Variants in PTPRM observed in about 807,000 individuals in gnomAD.
The protein encoded by PTPRM is receptor-type tyrosine-protein phosphatase mu.
A neutral mutation model predicts 186.7 loss-of-function variants in PTPRM; 47 were observed. The observed-to-expected ratio is 0.25, with a 90% CI of 0.20 to 0.32. The LOEUF is 0.32. Ranked by LOEUF, PTPRM falls within the 10% of genes least tolerant of loss-of-function variation. The pLI is 1.00. For missense variants in PTPRM, 1,494 were observed against 1,865.0 expected (o/e 0.80, Z 3.66); for synonymous variants, 668 against 674.9 (o/e 0.99, Z 0.16).
At chr18:8,095,696 A>G (rs908556576) in intron 11 of PTPRM, among the ~76,000 whole-genome samples, 2 of 152,136 alleles carry the variant, frequency 1.3e-5, no homozygotes, top group African/African-American at 4.8e-5. Flanking sequence ...CCCTGGCGGC[A>G]TGGAGGAAGG....
intron 14 of PTPRM, among the ~76,000 whole-genome samples, chr18:8,194,676 C>T (rs1318384565): frequency 1.3e-5 from 2 of 152,248 alleles, no homozygotes; most frequent in Non-Finnish European, 2.9e-5. Context: ...GCACATAGCA[C>T]AGCCGTGGCT....
At chr18:7,661,046 A>G (rs2038968371) in intron 1 of PTPRM, among the ~76,000 whole-genome samples, 1 of 152,244 alleles carries the variant, frequency 6.6e-6, no homozygotes, top group African/African-American at 2.4e-5. Context: ...GCTTAGTGAC[A>G]GGATGAATCA....
chr18:8,127,478 G>A (rs1301628046), intron 13 of PTPRM, among the ~76,000 whole-genome samples: 1 of 147,700 alleles, frequency 6.8e-6, no homozygotes, highest in East Asian at 2.0e-4. Context: ...TCCCTTGAAG[G>A]GTGAACTAAT....
intron 7 of PTPRM, among the ~76,000 whole-genome samples, chr18:7,992,999 A>G (rs558664993): frequency 1.3e-5 from 2 of 152,104 alleles, no homozygotes; most frequent in South Asian, 4.2e-4. Context: ...ATCTGTTACC[A>G]TCCTACCACC....
chr18:8,239,861 A>C (rs1330993146), intron 14 of PTPRM, among the ~76,000 whole-genome samples: 1 of 152,234 alleles, frequency 6.6e-6, no homozygotes, highest in Non-Finnish European at 1.5e-5. Context: ...GATATTCGTA[A>C]GAACCTTTAA....
At chr18:7,781,215 A>G (rs1307097818) in intron 2 of PTPRM, among the ~76,000 whole-genome samples, 1 of 152,208 alleles carries the variant, frequency 6.6e-6, no homozygotes, top group Non-Finnish European at 1.5e-5. Context: ...AATAGAAGAT[A>G]TAAATCTTCA....
chr18:8,347,033 G>C (rs1310314345), intron 23 of PTPRM, among the ~76,000 whole-genome samples: 1 of 152,116 alleles, frequency 6.6e-6, no homozygotes, highest in African/African-American at 2.4e-5. Flanking sequence ...GAGAGGTATA[G>C]TCCCATCTGA....
intron 2 of PTPRM, among the ~76,000 whole-genome samples, chr18:7,883,122 T>A (rs1326967543): frequency 6.6e-6 from 1 of 152,222 alleles, no homozygotes; most frequent in African/African-American, 2.4e-5. Context: ...GTATATTTTC[T>A]ACTTATATAC....
chr18:8,117,329 A>G (rs2091994240), intron 13 of PTPRM, among the ~76,000 whole-genome samples: 1 of 152,220 alleles, frequency 6.6e-6, no homozygotes, highest in African/African-American at 2.4e-5. Context: ...GAGTTTTCAG[A>G]TACAGAATTG....
chr18:7,976,295 G>C (rs567856997), intron 7 of PTPRM, among the ~76,000 whole-genome samples: 4 of 152,358 alleles, frequency 2.6e-5, no homozygotes, highest in African/African-American at 9.6e-5. Flanking sequence ...TTTGACAGAA[G>C]CTGGGAGAGG....
rs577861210 is a variant in PTPRM, at chr18:7,851,695, A to G, written c.197-36411A>G. On this transcript the variant is annotated intron_variant, in intron 2 of 32. Coordinates refer to ENST00000580170, the MANE Select transcript of PTPRM (RefSeq NM_001105244.2). Reference sequence around the variant, plus strand: ...CCAGCAGAATTGCACCAAAGGAAACACTAAAAGGAGTTCTTTTGGCAAAAG... The same window carrying G: ...CCAGCAGAATTGCACCAAAGGAAACGCTAAAAGGAGTTCTTTTGGCAAAAG... Among the ~76,000 whole-genome samples the G allele has an allele frequency of 5.9e-5, 9 of 152,266 alleles. No homozygotes were observed. The South Asian group carries it at 1.7e-3, about 28-fold the overall frequency.
intron 3 of PTPRM, among the ~76,000 whole-genome samples, chr18:7,890,311 G>T (rs1289206637): frequency 2.0e-5 from 3 of 152,158 alleles, no homozygotes; most frequent in Non-Finnish European, 4.4e-5. Context: ...GGGCTTTCCA[G>T]GGCTGCTTGT....
At chr18:8,214,508 T>C (rs570632696) in intron 14 of PTPRM, among the ~76,000 whole-genome samples, 7 of 152,122 alleles carry the variant, frequency 4.6e-5, no homozygotes, top group Admixed American at 3.3e-4. Flanking sequence ...TAAGTGAGAG[T>C]TTTTTATGTT....
intron 1 of PTPRM, among the ~76,000 whole-genome samples, chr18:7,677,995 T>C (rs1249245624): frequency 2.0e-5 from 3 of 152,118 alleles, no homozygotes; most frequent in Non-Finnish European, 4.4e-5. Context: ...TCCGGGCACC[T>C]GAGTGTATGG....
At chr18:7,939,757 T>C (rs1353795611) in intron 5 of PTPRM, among the ~76,000 whole-genome samples, 1 of 152,180 alleles carries the variant, frequency 6.6e-6, no homozygotes, top group Admixed American at 6.5e-5. Context: ...AGGCTGTCTC[T>C]CCCAGTGAAC....
intron 30 of PTPRM, among the ~76,000 whole-genome samples, chr18:8,385,680 G>A (rs76814885): frequency 0.01 from 1,565 of 152,342 alleles, 6 homozygotes; most frequent in Middle Eastern, 0.014. Flanking sequence ...GCCCCGGCTG[G>A]AAGGGCCTGG....
intron 22 of PTPRM, among the ~76,000 whole-genome samples, chr18:8,320,867 TG>T (rs1319083166): frequency 2.0e-5 from 3 of 152,194 alleles, no homozygotes; most frequent in African/African-American, 7.2e-5. Context: ...GATGCAAAGT[TG>T]TCTGTAGAGT....
At chr18:7,659,067 T>C (rs2038919517) in intron 1 of PTPRM, among the ~76,000 whole-genome samples, 1 of 151,894 alleles carries the variant, frequency 6.6e-6, no homozygotes, top group Non-Finnish European at 1.5e-5. Context: ...TAATGAGTTC[T>C]TATTTGATGA....
intron 7 of PTPRM, among the ~76,000 whole-genome samples, chr18:8,068,191 T>C (rs2089224685): frequency 6.6e-6 from 1 of 152,250 alleles, no homozygotes; most frequent in Non-Finnish European, 1.5e-5. Flanking sequence ...AACTCACACA[T>C]AGTAAGTGTG....
Sources: allele counts gnomAD v4.1 joint callset (sites outside exome capture counted in the v4.1 genomes callset), GRCh38; gene constraint gnomAD v4.1.1; transcripts MANE v1.5; gene names NCBI Gene and HGNC (gene_info 2026-07-23, HGNC 2026-07-21).